The following RBM20 variants were observed in gnomAD, a reference collection of about 807,000 sequenced individuals.
RBM20 encodes RNA binding motif protein 20, also known as RNA-binding protein 20.
Under a neutral mutation model 110.1 loss-of-function variants are expected in RBM20, and 51 were observed. That is an observed-to-expected ratio of 0.46 (90% CI 0.37 to 0.59). RBM20 has a LOEUF of 0.59. Among genes scored for constraint, RBM20 ranks in the 20% least tolerant of loss-of-function variants. The probability of loss-of-function intolerance (pLI) is 0.00; values close to 1 mark genes in which losing one functional copy is unlikely to be tolerated. For synonymous variants in RBM20, 589 were observed against 618.2 expected (o/e 0.95, Z 0.70); for missense variants, 1,512 against 1,574.9 (o/e 0.96, Z 0.68).
chr10:110,659,501 A>G (rs1862070619), intron 1 of RBM20, among the ~76,000 whole-genome samples: 1 of 152,214 alleles, frequency 6.6e-6, no homozygotes, highest in Non-Finnish European at 1.5e-5. Context: ...TCATGCTGTC[A>G]TCTCCAGCCA....
intron 1 of RBM20, among the ~76,000 whole-genome samples, chr10:110,669,216 G>A (rs975047416): frequency 2.0e-5 from 3 of 150,890 alleles, no homozygotes; most frequent in African/African-American, 7.5e-5. Context: ...GCTTGCTTAT[G>A]GCTGGAGAAC....
At chr10:110,835,247 G>A (rs748830880) in intron 13 of RBM20, 3 of 152,038 alleles carry the variant, frequency 2.0e-5, no homozygotes, top group Non-Finnish European at 4.4e-5. Flanking sequence ...AGTTAGAACA[G>A]CACTTGACAC....
chr10:110,665,732 A>G (rs1033577022), intron 1 of RBM20, among the ~76,000 whole-genome samples: 1 of 152,194 alleles, frequency 6.6e-6, no homozygotes, highest in Non-Finnish European at 1.5e-5. Context: ...TTATTTATTC[A>G]TGTATTATTT....
At chr10:110,694,438 G>A (rs1048231463) in intron 1 of RBM20, among the ~76,000 whole-genome samples, 5 of 152,224 alleles carry the variant, frequency 3.3e-5, no homozygotes, top group Admixed American at 6.5e-5. Flanking sequence ...CCACTTTTAA[G>A]AGGAAGGGGA....
chr10:110,655,448 A>G (rs1862008646), intron 1 of RBM20, among the ~76,000 whole-genome samples: 1 of 152,200 alleles, frequency 6.6e-6, no homozygotes, highest in South Asian at 2.1e-4. Flanking sequence ...GAGCACATAA[A>G]CACTTATAAT....
At chr10:110,746,391 G>T (rs569571423) in intron 1 of RBM20, among the ~76,000 whole-genome samples, 4 of 152,194 alleles carry the variant, frequency 2.6e-5, no homozygotes, top group Non-Finnish European at 5.9e-5. Flanking sequence ...CTGTAGAGTG[G>T]TTATTCTCAT....
intron 1 of RBM20, among the ~76,000 whole-genome samples, chr10:110,723,261 C>A (rs560920995): frequency 6.6e-6 from 1 of 152,234 alleles, no homozygotes; most frequent in African/African-American, 2.4e-5. Context: ...ATTCACAGAG[C>A]TGTAATTCAT....
intron 5 of RBM20, among the ~76,000 whole-genome samples, chr10:110,787,472 G>A (rs1430036569): frequency 6.6e-6 from 1 of 152,218 alleles, no homozygotes; most frequent in Non-Finnish European, 1.5e-5. Context: ...GCTGTCTAAG[G>A]CTGGCTCTGT....
chr10:110,732,177 T>C (rs1843626421), intron 1 of RBM20, among the ~76,000 whole-genome samples: 1 of 152,178 alleles, frequency 6.6e-6, no homozygotes, highest in Non-Finnish European at 1.5e-5. Context: ...AATATTCCCA[T>C]GTTGCAGTTC....
intron 1 of RBM20, among the ~76,000 whole-genome samples, chr10:110,732,545 T>C (rs987486760): frequency 6.6e-6 from 1 of 152,184 alleles, no homozygotes. Flanking sequence ...CATTCTTAGG[T>C]TCTGAAATCA....
intron 1 of RBM20, among the ~76,000 whole-genome samples, chr10:110,656,385 T>TC (rs1373668919): frequency 2.0e-5 from 3 of 152,182 alleles, no homozygotes; most frequent in African/African-American, 7.2e-5. Context: ...CTTATCCCCC[T>TC]CACATTCAGG....
intron 1 of RBM20, among the ~76,000 whole-genome samples, chr10:110,751,130 CA>C (rs1263911686): frequency 6.6e-6 from 1 of 152,204 alleles, no homozygotes; most frequent in Non-Finnish European, 1.5e-5. Flanking sequence ...TCAATCTAAG[CA>C]GGGAGTATAA....
At chr10:110,678,971 G>C (rs756601280) in intron 1 of RBM20, among the ~76,000 whole-genome samples, 2 of 152,178 alleles carry the variant, frequency 1.3e-5, no homozygotes, top group Non-Finnish European at 2.9e-5. Flanking sequence ...CTCTGCAGTG[G>C]TTTAATATGC....
intron 9 of RBM20, among the ~76,000 whole-genome samples, chr10:110,816,732 G>A (rs980711281): frequency 1.1e-4 from 16 of 152,194 alleles, no homozygotes; most frequent in African/African-American, 3.9e-4. Context: ...GCACAGAGCA[G>A]GTGTCCAGTG....
At chr10:110,754,569 G>A (rs1843898867) in intron 1 of RBM20, among the ~76,000 whole-genome samples, 1 of 152,096 alleles carries the variant, frequency 6.6e-6, no homozygotes, top group South Asian at 2.1e-4. Context: ...AATTTCCTGT[G>A]ATCTAACCTC....
intron 1 of RBM20, among the ~76,000 whole-genome samples, chr10:110,752,945 A>ATATATATATATATT (rs1433992064): frequency 1.8e-5 from 2 of 108,992 alleles, no homozygotes; most frequent in African/African-American, 7.5e-5. Flanking sequence ...ATATATATAT[A>ATATATATATATATT]TTTTTTTTTT....
In RBM20 at chr10:110,839,037, T is replaced by G. The variant is rs1286950593; in HGVS notation, c.*3059T>G. 6.6e-6 allele frequency: 1 copy of G among 152,242 alleles called. No individual in the cohort carries two copies. Among genetic ancestry groups the G allele is most frequent in the East Asian group, 1.9e-4 (1 of 5,204 alleles). 9.4% of individuals were successfully genotyped at this position (152,242 alleles called of 1,614,324 possible). On this transcript the variant is annotated 3_prime_UTR_variant, in exon 14 of 14. Coordinates refer to ENST00000369519, the MANE Select transcript of RBM20 (RefSeq NM_001134363.3). The stretch of plus-strand genomic sequence containing the variant: ...TTTCAAAGTGTCTCCCAAAAAAGGA[T>G]GCTGAAGAGCAATTGCTCCCTTAAG...
At chr10:110,832,705 C>G (rs978299718) in intron 13 of RBM20, among the ~76,000 whole-genome samples, 3 of 152,218 alleles carry the variant, frequency 2.0e-5, no homozygotes, top group Admixed American at 6.5e-5. Flanking sequence ...CTCTACTATA[C>G]TTGTCTTGGA....
At chr10:110,808,187 C>A (rs1037177840) in intron 7 of RBM20, among the ~76,000 whole-genome samples, 4 of 152,242 alleles carry the variant, frequency 2.6e-5, no homozygotes, top group African/African-American at 9.6e-5. Flanking sequence ...TCCAAGTGAG[C>A]CTCTTCTTCT....
Sources: gnomAD v4.1 joint callset for allele counts (sites outside exome capture counted in the v4.1 genomes callset) on GRCh38, gnomAD v4.1.1 for gene constraint, MANE v1.5 for transcripts, NCBI Gene and HGNC (gene_info 2026-07-23, HGNC 2026-07-21) for gene names.